The following CFAP61 variants were observed in gnomAD, a reference collection of about 807,000 sequenced individuals.
CFAP61 encodes the protein cilia- and flagella-associated protein 61.
In CFAP61, 107 loss-of-function variants were observed where a neutral mutation model predicts 135.6. The observed-to-expected ratio is 0.79, with a 90% CI of 0.67 to 0.93. CFAP61 has a LOEUF of 0.93. Among genes scored for constraint, CFAP61 ranks in the 40% least tolerant of loss-of-function variants. The pLI is 0.00. For missense variants in CFAP61, 1,507 were observed against 1,556.2 expected (o/e 0.97, Z 0.53); for synonymous variants, 575 against 578.5 (o/e 0.99, Z 0.09).
intron 8 of CFAP61, among the ~76,000 whole-genome samples, chr20:20,115,170 C>G (rs1568934559): frequency 6.6e-6 from 1 of 152,060 alleles, no homozygotes; most frequent in Non-Finnish European, 1.5e-5. Context: ...TGGCCTGCAA[C>G]TTTCACTTCT....
intron 26 of CFAP61, among the ~76,000 whole-genome samples, chr20:20,343,090 C>G (rs1056075114): frequency 5.9e-5 from 9 of 152,186 alleles, no homozygotes; most frequent in Non-Finnish European, 1.0e-4. Context: ...CTCCTGACCT[C>G]AGGTGATCCG....
chr20:20,328,802 C>T (rs967511747), intron 25 of CFAP61, among the ~76,000 whole-genome samples: 8 of 152,116 alleles, frequency 5.3e-5, no homozygotes, highest in South Asian at 2.1e-4. Flanking sequence ...GACTACTTAA[C>T]GGGGAAATGC....
intron 18 of CFAP61, among the ~76,000 whole-genome samples, chr20:20,243,044 T>A (rs558212187): frequency 3.3e-5 from 5 of 152,132 alleles, no homozygotes; most frequent in Non-Finnish European, 7.4e-5. Context: ...ACTGGGCCAT[T>A]TACAAAAGAA....
intron 26 of CFAP61, among the ~76,000 whole-genome samples, chr20:20,358,373 T>C (rs1198120559): frequency 2.0e-5 from 3 of 152,214 alleles, no homozygotes; most frequent in Admixed American, 2.0e-4. Flanking sequence ...GAGCAATATT[T>C]GCCTGAAATA....
chr20:20,190,478 G>A (rs1298785934), intron 14 of CFAP61, among the ~76,000 whole-genome samples: 3 of 152,134 alleles, frequency 2.0e-5, no homozygotes, highest in African/African-American at 4.8e-5. Flanking sequence ...GGGGACAGAG[G>A]GGGCAACTCA....
In CFAP61 at chr20:20,225,736, C is replaced by T. The variant is rs200749714; in HGVS notation, c.1933-2513C>T. The stretch of plus-strand genomic sequence containing the variant: ...CTGTCAAGATGCTTGCATTTTAAAT[C>T]TGTTAACTAGACCTGCGATTAGATG... On this transcript the variant is annotated intron_variant, in intron 17 of 26. Coordinates refer to ENST00000245957, the MANE Select transcript of CFAP61 (RefSeq NM_015585.4). 8 of 152,306 alleles carry T rather than the reference C, an allele frequency of 5.3e-5. No individual in the cohort carries two copies. In the East Asian group the frequency reaches 1.5e-3, roughly 29 times the overall value. 9.4% of individuals were successfully genotyped at this position (152,306 alleles called of 1,614,324 possible). A position where few individuals can be genotyped will look rare whatever the true frequency, so the allele number is the denominator to read the frequency against.
chr20:20,296,923 C>G (rs2055676937), intron 24 of CFAP61, among the ~76,000 whole-genome samples: 1 of 152,098 alleles, frequency 6.6e-6, no homozygotes, highest in Admixed American at 6.6e-5. Context: ...TTTTTAAGCA[C>G]TTTGTTATGG....
intron 13 of CFAP61, among the ~76,000 whole-genome samples, chr20:20,181,990 C>A (rs1389618175): frequency 6.6e-6 from 1 of 152,170 alleles, no homozygotes; most frequent in Non-Finnish European, 1.5e-5. Flanking sequence ...AGTAGGGCCA[C>A]GTTTAGGTGC....
At position 20,238,056 on chromosome 20, in the gene CFAP61, A is replaced by T. The variant is rs192250181; in HGVS notation, c.2061-8061A>T. Among the ~76,000 whole-genome samples, 246 of 152,382 alleles carry T rather than the reference A, an allele frequency of 1.6e-3. 1 individual carries two copies. Among genetic ancestry groups the T allele is most frequent in the Non-Finnish European group, 3.0e-3 (203 of 68,034 alleles). On this transcript the variant is annotated intron_variant, in intron 18 of 26. Coordinates refer to ENST00000245957, the MANE Select transcript of CFAP61 (RefSeq NM_015585.4). ...AAAATTTTTTTAAAATAAACAAATT[A>T]AATTAATGGCTCAGGACCTTGTCCA...
chr20:20,069,466 G>C (rs1027366900), intron 2 of CFAP61, among the ~76,000 whole-genome samples: 19 of 152,018 alleles, frequency 1.2e-4, no homozygotes. Flanking sequence ...TTTTAGTCAA[G>C]ATGGGTTTTC....
chr20:20,156,062 A>G (rs1002387995), intron 9 of CFAP61, among the ~76,000 whole-genome samples: 15 of 152,220 alleles, frequency 9.9e-5, no homozygotes, highest in Admixed American at 3.3e-4. Context: ...CATTGGGTAC[A>G]GTATACACTG....
chr20:20,143,056 G>A, intron 9 of CFAP61, 108 bp downstream of exon 9: 1 of 661,534 alleles, frequency 1.5e-6, no homozygotes, highest in Middle Eastern at 3.9e-4. Flanking sequence ...AAGTTCTAAT[G>A]CCTGATGCAG....
chr20:20,280,956 T>C (rs2054156485), intron 22 of CFAP61, among the ~76,000 whole-genome samples: 1 of 152,236 alleles, frequency 6.6e-6, no homozygotes, highest in South Asian at 2.1e-4. Context: ...TGTGCTTTCC[T>C]GACAATTAAT....
At chr20:20,346,698 A>G (rs987819415) in intron 26 of CFAP61, among the ~76,000 whole-genome samples, 2 of 152,218 alleles carry the variant, frequency 1.3e-5, no homozygotes, top group Non-Finnish European at 2.9e-5. Flanking sequence ...TGATCCTTCA[A>G]AATCCTTTAC....
At chr20:20,258,797 C>T (rs759153297) in intron 20 of CFAP61, among the ~76,000 whole-genome samples, 1 of 152,204 alleles carries the variant, frequency 6.6e-6, no homozygotes, top group Non-Finnish European at 1.5e-5. Flanking sequence ...GAGACAGACA[C>T]ATGGTAACAG....
intron 9 of CFAP61, among the ~76,000 whole-genome samples, chr20:20,158,052 G>A (rs995011494): frequency 1.3e-5 from 2 of 150,772 alleles, no homozygotes; most frequent in Admixed American, 6.7e-5. Context: ...GAGATCACAT[G>A]GACACAGGAA....
At position 20,360,104 on chromosome 20, in the gene CFAP61, A is replaced by T. The variant is rs544760982; in HGVS notation, c.3514-106A>T. 6.9e-5 allele frequency: 56 copies of T among 809,602 alleles called. No individual in the cohort carries two copies. The African/African-American group carries it at 7.9e-4, about 11-fold the overall frequency. 50.2% of individuals were successfully genotyped at this position (809,602 alleles called of 1,614,324 possible). On this transcript the variant is annotated intron_variant, in intron 26 of 26. Coordinates refer to ENST00000245957, the MANE Select transcript of CFAP61 (RefSeq NM_015585.4). Reference sequence around the variant, plus strand: ...TTCAAAAGCTAGAAAAAAAATGACCATCCTTGCAGAGCTGACTACTGTTGT... The same window carrying T: ...TTCAAAAGCTAGAAAAAAAATGACCTTCCTTGCAGAGCTGACTACTGTTGT...
At chr20:20,318,644 T>TA (rs2057271604) in intron 25 of CFAP61, among the ~76,000 whole-genome samples, 2 of 152,288 alleles carry the variant, frequency 1.3e-5, no homozygotes, top group Admixed American at 1.3e-4. Context: ...GCTTGCTATT[T>TA]AGAGGATAGA....
rs1267739410 is a variant in CFAP61 at position 20,343,783 on chromosome 20, CA to C, written c.3513+1863del. On this transcript the variant is annotated intron_variant, in intron 26 of 26. Coordinates refer to ENST00000245957, the MANE Select transcript of CFAP61 (RefSeq NM_015585.4). ...CTTCAGTTAACATTGTGCACAAAGC[CA>C]GGGGGTTTTAGTCTTAAAGCTTAAA... 2.6e-5 allele frequency among the ~76,000 whole-genome samples: 4 copies of C among 152,270 alleles called. No homozygotes were observed. The East Asian group carries it at 7.7e-4, about 29-fold the overall frequency.
Sources: gnomAD v4.1 joint callset for allele counts (sites outside exome capture counted in the v4.1 genomes callset) on GRCh38, gnomAD v4.1.1 for gene constraint, MANE v1.5 for transcripts, NCBI Gene and HGNC (gene_info 2026-07-23, HGNC 2026-07-21) for gene names.